SLC9A9: variants seen among roughly 807,000 people sequenced by gnomAD.
The protein encoded by SLC9A9 is solute carrier family 9 member A9.
In SLC9A9, 62 loss-of-function variants were observed where a neutral mutation model predicts 77.8. The ratio of observed to expected loss-of-function variants is 0.80; its 90% confidence interval spans 0.65 to 0.98. The LOEUF is 0.98. SLC9A9 is among the 50% of genes least tolerant of loss of function. The probability of loss-of-function intolerance (pLI) is 0.00; values close to 1 mark genes in which losing one functional copy is unlikely to be tolerated. For synonymous variants in SLC9A9, 320 were observed against 283.5 expected (o/e 1.13, Z -1.29); for missense variants, 775 against 774.9 (o/e 1.00, Z 0.00).
intron 5 of SLC9A9, among the ~76,000 whole-genome samples, chr3:143,655,817 G>A (rs951263707): frequency 1.3e-5 from 2 of 152,102 alleles, no homozygotes; most frequent in Non-Finnish European, 2.9e-5. Context: ...CCATCAAATG[G>A]TAAGGGTCTT....
At chr3:143,753,858 A>G (rs1234855491) in intron 4 of SLC9A9, among the ~76,000 whole-genome samples, 1 of 152,250 alleles carries the variant, frequency 6.6e-6, no homozygotes, top group Non-Finnish European at 1.5e-5. Context: ...AAGGTGAAGA[A>G]AAAGGGGATA....
intron 5 of SLC9A9, among the ~76,000 whole-genome samples, chr3:143,656,490 G>C (rs1253871073): frequency 6.6e-6 from 1 of 152,056 alleles, no homozygotes; most frequent in Admixed American, 6.6e-5. Context: ...TGCCCTTTCA[G>C]AACTTCCAAG....
chr3:143,561,193 GTAAATAAA>G (rs929728187), intron 8 of SLC9A9, among the ~76,000 whole-genome samples: 2 of 152,030 alleles, frequency 1.3e-5, no homozygotes, highest in Admixed American at 6.6e-5. Flanking sequence ...AAATAAATAA[GTAAATAAA>G]TTGAGTTGAA....
At position 143,737,139 on chromosome 3, in the gene SLC9A9, C is replaced by T. The variant is rs1934959062; in HGVS notation, c.534-43832G>A. Among the ~76,000 whole-genome samples the T allele has an allele frequency of 2.0e-5, 3 of 152,134 alleles. No homozygotes were observed. In the South Asian group the frequency reaches 6.2e-4, roughly 32 times the overall value. ...AAACAGTCACATGTTAAGATTTGTT[C>T]TTCAAGGAGCATGCTTTCTAGATCT... On this transcript the variant is annotated intron_variant, in intron 4 of 15. Coordinates refer to ENST00000316549, the MANE Select transcript of SLC9A9 (RefSeq NM_173653.4).
At chr3:143,754,973 G>A (rs767585972) in intron 4 of SLC9A9, among the ~76,000 whole-genome samples, 8 of 152,100 alleles carry the variant, frequency 5.3e-5, no homozygotes, top group Non-Finnish European at 1.0e-4. Flanking sequence ...ATCCAACCTT[G>A]CTTGACTTGG....
intron 4 of SLC9A9, among the ~76,000 whole-genome samples, chr3:143,733,673 C>G (rs955268607): frequency 6.6e-6 from 1 of 151,856 alleles, no homozygotes; most frequent in African/African-American, 2.4e-5. Context: ...GCCAGCAGAC[C>G]CAAGAGGGCT....
At chr3:143,426,432 T>C (rs2108532092) in intron 12 of SLC9A9, among the ~76,000 whole-genome samples, 1 of 152,346 alleles carries the variant, frequency 6.6e-6, no homozygotes, top group African/African-American at 2.4e-5. Context: ...AAGAAACATC[T>C]TGTGGAAACC....
At chr3:143,517,260 C>A in intron 9 of SLC9A9, 3 of 1,279,872 alleles carry the variant, frequency 2.3e-6, no homozygotes. Context: ...TGCATGGCGG[C>A]AAGAACCTCT....
intron 14 of SLC9A9, among the ~76,000 whole-genome samples, chr3:143,288,411 A>G (rs1201447884): frequency 6.6e-6 from 1 of 152,186 alleles, no homozygotes; most frequent in Non-Finnish European, 1.5e-5. Context: ...ATCTCTTTAA[A>G]AGACTGCCCT....
intron 4 of SLC9A9, among the ~76,000 whole-genome samples, chr3:143,769,282 G>T (rs1016774357): frequency 6.6e-6 from 1 of 152,070 alleles, no homozygotes; most frequent in Non-Finnish European, 1.5e-5. Flanking sequence ...AAACTCGCCT[G>T]GGACCCTGCT....
chr3:143,413,617 G>A (rs1188627515), intron 12 of SLC9A9, among the ~76,000 whole-genome samples: 1 of 152,048 alleles, frequency 6.6e-6, no homozygotes, highest in African/African-American at 2.4e-5. Flanking sequence ...TATGTGACTC[G>A]GGAATGAGCA....
chr3:143,747,930 C>A (rs1288668441), intron 4 of SLC9A9, among the ~76,000 whole-genome samples: 1 of 152,158 alleles, frequency 6.6e-6, no homozygotes, highest in African/African-American at 2.4e-5. Context: ...CCCATCTAGG[C>A]CACACTCCAG....
At chr3:143,571,545 G>A (rs946414187) in intron 8 of SLC9A9, among the ~76,000 whole-genome samples, 41 of 151,682 alleles carry the variant, frequency 2.7e-4, no homozygotes, top group Non-Finnish European at 5.3e-4. Flanking sequence ...GTGTTCAAAG[G>A]CCCTTATATA....
chr3:143,785,684 T>C (rs1320809104), intron 4 of SLC9A9, among the ~76,000 whole-genome samples: 1 of 151,804 alleles, frequency 6.6e-6, no homozygotes, highest in Non-Finnish European at 1.5e-5. Context: ...CTGAATGGAG[T>C]TGATGTGTGT....
intron 14 of SLC9A9, among the ~76,000 whole-genome samples, chr3:143,323,746 T>C (rs2108447966): frequency 6.6e-6 from 1 of 152,318 alleles, no homozygotes. Context: ...GTACACATTA[T>C]ATACATGTAA....
rs1434011707 is a variant in SLC9A9 at position 143,448,988 on chromosome 3, T to A, written c.1469+18049A>T. Among the ~76,000 whole-genome samples the A allele has an allele frequency of 2.7e-4, 8 of 29,458 alleles. 3 individuals carry two copies. Among genetic ancestry groups the A allele is most frequent in the Non-Finnish European group, 3.7e-4 (8 of 21,428 alleles). The allele number at this position is 29,458 out of a possible 152,430, so 19.3% of individuals were successfully genotyped here. ...TATAAATATAATTATATAAAAATAATTATAATTATATAATTATATAAAATA... is the reference window on the plus strand; with the variant it reads ...TATAAATATAATTATATAAAAATAAATATAATTATATAATTATATAAAATA... On this transcript the variant is annotated intron_variant, in intron 12 of 15. Transcript: ENST00000316549.
intron 14 of SLC9A9, among the ~76,000 whole-genome samples, chr3:143,363,229 A>T (rs1199906279): frequency 1.3e-5 from 2 of 152,246 alleles, no homozygotes; most frequent in East Asian, 1.9e-4. Flanking sequence ...TGATTTTATC[A>T]ACTGGCATTA....
chr3:143,365,457 A>C (rs995346373), intron 13 of SLC9A9, among the ~76,000 whole-genome samples: 1 of 152,244 alleles, frequency 6.6e-6, no homozygotes. Context: ...AGAACTTCTC[A>C]GTCTTTCATT....
chr3:143,357,002 C>G (rs930860564), intron 14 of SLC9A9, among the ~76,000 whole-genome samples: 3 of 152,144 alleles, frequency 2.0e-5, no homozygotes, highest in Non-Finnish European at 2.9e-5. Flanking sequence ...CAGCCCAATG[C>G]AAGCTGGGCT....
Sources: gnomAD v4.1 joint callset for allele counts (sites outside exome capture counted in the v4.1 genomes callset) on GRCh38, gnomAD v4.1.1 for gene constraint, MANE v1.5 for transcripts, NCBI Gene and HGNC (gene_info 2026-07-23, HGNC 2026-07-21) for gene names.